Variants in PLA2G7 observed in about 807,000 individuals in gnomAD.
PLA2G7 encodes the protein phospholipase A2 group VII.
PLA2G7 carries 63 observed loss-of-function variants against 49.6 expected under a neutral mutation model. The observed-to-expected ratio is 1.27, with a 90% CI of 1.04 to 1.57. PLA2G7 has a LOEUF of 1.57. PLA2G7 is among the 40% of genes most tolerant of loss of function. PLA2G7 has a pLI of 0.00. For missense variants in PLA2G7, 596 were observed against 521.2 expected, an observed-to-expected ratio of 1.14 and a Z score of -1.40; for synonymous variants, 193 against 169.9, an observed-to-expected ratio of 1.14 and a Z score of -1.06.
chr6:46,719,854 T>C (rs1441014399), intron 2 of PLA2G7, among the ~76,000 whole-genome samples: 1 of 152,252 alleles, frequency 6.6e-6, no homozygotes, highest in African/African-American at 2.4e-5. Flanking sequence ...AAATCTGTGC[T>C]GAGTCCTTAG....
rs1232887336 is a variant in PLA2G7, at chr6:46,704,584, A to C, written c.1302T>G (p.Ser434=). 3.1e-6 allele frequency: 5 copies of C among 1,594,008 alleles called. No individual in the cohort carries two copies. The Admixed American group carries it at 6.7e-5, about 21-fold the overall frequency. Reference sequence around the variant, plus strand: ...CCTAATTGTATTTCTCTATTCCTGAAGAGTTCTGTAACATGATGTGTTGAT... The same window carrying C: ...CCTAATTGTATTTCTCTATTCCTGACGAGTTCTGTAACATGATGTGTTGAT... ...TTNQHIMLQN[S]SGIEKYN Residue 434 remains serine (S), a synonymous_variant, in exon 12 of 12, where the codon TCT becomes TCG. Transcript: ENST00000274793.
chr6:46,731,439 AT>A (rs906572677), intron 1 of PLA2G7, among the ~76,000 whole-genome samples: 18 of 151,988 alleles, frequency 1.2e-4, no homozygotes, highest in African/African-American at 3.1e-4. Context: ...TGTCCAAAAT[AT>A]TTTTTTCCCA....
intron 2 of PLA2G7, among the ~76,000 whole-genome samples, chr6:46,718,513 T>C (rs1286442307): frequency 6.6e-6 from 1 of 152,226 alleles, no homozygotes; most frequent in East Asian, 1.9e-4. Flanking sequence ...CTTCCTCTTC[T>C]TCTTCCCCTT....
intron 1 of PLA2G7, among the ~76,000 whole-genome samples, chr6:46,729,781 C>T (rs555868461): frequency 3.4e-4 from 52 of 152,142 alleles, no homozygotes; most frequent in Non-Finnish European, 6.6e-4. Flanking sequence ...CAATAGCACA[C>T]CCCAGTTGTG....
chr6:46,704,262 TTTAAC>T lies in PLA2G7; in HGVS notation c.*293_*297del, dbSNP rs1372881810. 1 of 308,750 alleles carries T rather than the reference TTTAAC, an allele frequency of 3.2e-6. No individual in the cohort carries two copies. The highest frequency in any genetic ancestry group is 2.2e-5 in the African/African-American group (1 of 45,810). The allele number at this position is 308,750 out of a possible 1,614,324, so 19.1% of individuals were successfully genotyped here. A position where few individuals can be genotyped will look rare whatever the true frequency, so the allele number is the denominator to read the frequency against. On this transcript the variant is annotated 3_prime_UTR_variant, in exon 12 of 12. Coordinates refer to ENST00000274793, the MANE Select transcript of PLA2G7 (RefSeq NM_005084.4). ...CTGTCAAAGTAATGTAAAAACAGTTTTTAACTTCGACACTGAAAAGGAATCATCTT... is the reference window on the plus strand; with the variant it reads ...CTGTCAAAGTAATGTAAAAACAGTTTTTCGACACTGAAAAGGAATCATCTT...
intron 1 of PLA2G7, among the ~76,000 whole-genome samples, chr6:46,728,060 G>A (rs576993947): frequency 2.8e-4 from 43 of 152,286 alleles, no homozygotes; most frequent in African/African-American, 9.1e-4. Flanking sequence ...GAGACAAAAA[G>A]CAAATAATAG....
rs45562737 is a variant in PLA2G7, at chr6:46,720,879, C to T, written c.109+1904G>A. Among the ~76,000 whole-genome samples, 249 of 152,212 alleles carry T rather than the reference C, an allele frequency of 1.6e-3. 1 individual carries two copies. Among genetic ancestry groups the T allele is most frequent in the African/African-American group, 5.7e-3 (237 of 41,508 alleles). On this transcript the variant is annotated intron_variant, in intron 2 of 11. Transcript: ENST00000274793. ...ACACTCTTATATGGCTTTATGTCCT[C>T]CATTAGTAAAGAGGATATCTCTAGC...
At position 46,704,613 on chromosome 6, in the gene PLA2G7, T is replaced by C. The variant is rs200979188; in HGVS notation, c.1273A>G (p.Thr425Ala). The change falls in exon 12 of 12, where the codon ACC becomes GCC. Residue 425 changes from threonine to alanine, a missense_variant. Transcript: ENST00000274793. ...NLIPGTNINTTNQHIMLQNSS... is the reference protein window; with the variant it reads ...NLIPGTNINTANQHIMLQNSS... ...TTCTGTAACATGATGTGTTGATTGGTTGTGTTAATGTTGGTCCCTGGAATA... is the reference window on the plus strand; with the variant it reads ...TTCTGTAACATGATGTGTTGATTGGCTGTGTTAATGTTGGTCCCTGGAATA... The C allele has an allele frequency of 7.5e-6, 12 of 1,590,692 alleles. No homozygotes were observed. In the South Asian group the frequency reaches 1.1e-4, roughly 15 times the overall value.
At chr6:46,723,019 C>G in intron 1 of PLA2G7, 94 bp from the exon 2 acceptor site, 1 of 684,866 alleles carries the variant, frequency 1.5e-6, no homozygotes, top group Non-Finnish European at 2.7e-6. Flanking sequence ...ACTAGTAACA[C>G]TTGGAAAAAA....
chr6:46,735,678 G>A (rs1199740540), upstream of PLA2G7: 1 of 152,450 alleles, frequency 6.6e-6, no homozygotes, highest in Non-Finnish European at 1.5e-5. Context: ...TCACCCCCCA[G>A]TCAGGCCGGT....
intron 2 of PLA2G7, among the ~76,000 whole-genome samples, chr6:46,720,204 C>T (rs1765350589): frequency 1.3e-5 from 2 of 152,234 alleles, no homozygotes; most frequent in South Asian, 4.1e-4. Flanking sequence ...CCCAGGGCCA[C>T]AGCTGCTGTT....
chr6:46,721,414 AG>A (rs1401750645), intron 2 of PLA2G7, among the ~76,000 whole-genome samples: 2 of 152,196 alleles, frequency 1.3e-5, no homozygotes, highest in East Asian at 3.9e-4. Flanking sequence ...ATAAAGATAA[AG>A]CAACGTCCCT....
chr6:46,733,719 A>G (rs1313251406), intron 1 of PLA2G7, among the ~76,000 whole-genome samples: 1 of 152,220 alleles, frequency 6.6e-6, no homozygotes, highest in Non-Finnish European at 1.5e-5. Context: ...GAGGCTCACC[A>G]GTGCCTCGTG....
chr6:46,724,005 T>C (rs1765490991), intron 1 of PLA2G7, among the ~76,000 whole-genome samples: 1 of 152,178 alleles, frequency 6.6e-6, no homozygotes, highest in African/African-American at 2.4e-5. Flanking sequence ...CCATCCCCAC[T>C]TTGAGGGCTT....
At chr6:46,723,182 G>A (rs1034726264) in intron 1 of PLA2G7, among the ~76,000 whole-genome samples, 1 of 152,118 alleles carries the variant, frequency 6.6e-6, no homozygotes, top group Non-Finnish European at 1.5e-5. Context: ...TAAGTTTTTG[G>A]TCACTAGTTT....
Position 46,735,329 on chromosome 6 carries a change from C to T in PLA2G7, c.-184G>A, listed in dbSNP as rs562213720. 1 of 152,568 alleles carries T rather than the reference C, an allele frequency of 6.6e-6. No homozygotes were observed. Among genetic ancestry groups the T allele is most frequent in the African/African-American group, 2.4e-5 (1 of 41,484 alleles). The allele number at this position is 152,568 out of a possible 1,614,324, so 9.5% of individuals were successfully genotyped here. ...AGCCGCTGTCCCCCTGGCTGCGGGC[C>T]GAGCAGCTCTGGCAGGCGGCGGGCG... On this transcript the variant is annotated 5_prime_UTR_variant, in exon 1 of 12. Transcript: ENST00000274793.
Position 46,717,010 on chromosome 6 carries a change from C to T in PLA2G7, c.196G>A (p.Gly66Ser). The T allele has an allele frequency of 6.2e-7, 1 of 1,613,634 alleles. No homozygotes were observed. Among genetic ancestry groups the T allele is most frequent in the East Asian group, 2.2e-5 (1 of 44,866 alleles). Residue 66 changes from glycine (G) to serine (S), a missense_variant, in exon 3 of 12, where the codon GGT becomes AGT. Gly to Ser is a moderately conservative substitution (Grantham distance 56, BLOSUM62 0). Transcript: ENST00000274793. ...TGATCAAACATTAAGTCTGTACAAC[C>T]AACGGAATAAGGCCCATTTCCCCGG... is the stretch of plus-strand genomic sequence containing the variant. ...IPRGNGPYSV[G>S]CTDLMFDHTN...
At position 46,722,888 on chromosome 6, in the gene PLA2G7, C is replaced by T. The variant is rs375665450; in HGVS notation, c.4G>A (p.Val2Met). The change falls in exon 2 of 12, where the codon GTG (valine) becomes ATG (methionine). Residue 2 changes from valine to methionine, a missense_variant. Coordinates refer to ENST00000274793, the MANE Select transcript of PLA2G7 (RefSeq NM_005084.4). M[V>M]PPKLHVLFCL... Reference sequence around the variant, plus strand: ...AAAAGCACATGCAATTTGGGTGGCACCATCTTGGGAGCTGAGCAGCAGTTT... The same window carrying T: ...AAAAGCACATGCAATTTGGGTGGCATCATCTTGGGAGCTGAGCAGCAGTTT... The T allele has an allele frequency of 9.0e-5, 145 of 1,603,764 alleles. No homozygotes were observed. The highest frequency in any genetic ancestry group is 1.2e-4 in the Non-Finnish European group (138 of 1,171,078).
chr6:46,712,078 C>T (rs1409897825), intron 6 of PLA2G7, among the ~76,000 whole-genome samples, 191 bp downstream of exon 6: 1 of 152,164 alleles, frequency 6.6e-6, no homozygotes, highest in Non-Finnish European at 1.5e-5. Context: ...GCAATAAACA[C>T]TCTAGAAATG....
Sources: gnomAD v4.1 joint callset for allele counts (sites outside exome capture counted in the v4.1 genomes callset) on GRCh38, gnomAD v4.1.1 for gene constraint, MANE v1.5 for transcripts, NCBI Gene and HGNC (gene_info 2026-07-23, HGNC 2026-07-21) for gene names.